ABHD16B: variants seen among roughly 807,000 people sequenced by gnomAD.
The protein encoded by ABHD16B is abhydrolase domain containing 16B.
Under a neutral mutation model 10.5 loss-of-function variants are expected in ABHD16B, and 14 were observed. That is an observed-to-expected ratio of 1.33 (90% CI 0.88 to 2.08). The LOEUF is 2.08. Ranked by LOEUF, ABHD16B falls within the 30% of genes most tolerant of loss-of-function variation. The pLI is 0.00. For missense variants in ABHD16B, 763 were observed against 717.4 expected (o/e 1.06, Z -0.73); for synonymous variants, 374 against 337.9 (o/e 1.11, Z -1.17).
Position 63,861,671 on chromosome 20 carries a change from G to A in ABHD16B, c.131G>A (p.Ser44Asn). 6.5e-7 allele frequency: 1 copy of A among 1,535,324 alleles called. No homozygotes were observed. Among genetic ancestry groups the A allele is most frequent in the Non-Finnish European group, 8.7e-7 (1 of 1,143,826 alleles). The change falls in exon 1 of 1, where the codon AGC (serine) becomes AAC (asparagine). Residue 44 changes from serine (S) to asparagine (N), a missense_variant. Physicochemically the swap from Ser to Asn is conservative, Grantham distance 46 (BLOSUM62 1). Coordinates refer to ENST00000369916, the MANE Select transcript of ABHD16B (RefSeq NM_080622.4). This position sits in a 1 kb window ranked among gnomAD's most constrained non-coding sequence, Gnocchi z 5.4. Reference protein sequence around the residue: ...RWDDVRAVGRSSSHRALTCAA... With the variant: ...RWDDVRAVGRNSSHRALTCAA... Reference sequence around the variant, plus strand: ...GATGACGTGCGCGCCGTGGGCCGGAGCAGCAGCCACCGGGCGCTGACCTGC... The same window carrying A: ...GATGACGTGCGCGCCGTGGGCCGGAACAGCAGCCACCGGGCGCTGACCTGC...
chr20:63,862,915 G>C lies in ABHD16B; in HGVS notation c.1375G>C (p.Glu459Gln), dbSNP rs1179093035. The change falls in exon 1 of 1, where the codon GAG (glutamate) becomes CAG (glutamine). Residue 459 changes from glutamate to glutamine, a missense_variant. Transcript: ENST00000369916. The surrounding 1 kb of genome is among the most constrained non-coding windows in gnomAD (Gnocchi z 7.5). ...NVEATHFSPL[E>Q]PEEFQLPWRL ...GGAGGCGACTCACTTCAGCCCTCTG[G>C]AGCCTGAGGAGTTTCAGTTGCCCTG... The C allele has an allele frequency of 6.7e-7, 1 of 1,502,212 alleles. No individual in the cohort carries two copies. The highest frequency in any genetic ancestry group is 1.3e-5 in the South Asian group (1 of 77,936). 93.1% of individuals were successfully genotyped at this position (1,502,212 alleles called of 1,614,324 possible). A position where few individuals can be genotyped will look rare whatever the true frequency, so the allele number is the denominator to read the frequency against.
At position 63,862,553 on chromosome 20, in the gene ABHD16B, A is replaced by C; in HGVS notation, c.1013A>C (p.Asp338Ala). ...SGRLRPLSPG[D>A]VEGNRGNELL... Reference sequence around the variant, plus strand: ...CGCCTGCGCCCCCTGTCACCTGGTGACGTGGAGGGCAACCGGGGCAATGAG... The same window carrying C: ...CGCCTGCGCCCCCTGTCACCTGGTGCCGTGGAGGGCAACCGGGGCAATGAG... Residue 338 changes from aspartate to alanine, a missense_variant, in exon 1 of 1, where the codon GAC (aspartate) becomes GCC (alanine). Physicochemically the swap from Asp to Ala is moderately radical, Grantham distance 126 (BLOSUM62 -2). Coordinates refer to ENST00000369916, the MANE Select transcript of ABHD16B (RefSeq NM_080622.4). This position sits in a 1 kb window ranked among gnomAD's most constrained non-coding sequence, Gnocchi z 7.5. 2 of 1,572,154 alleles carry C rather than the reference A, an allele frequency of 1.3e-6. No homozygotes were observed. The highest frequency in any genetic ancestry group is 1.7e-6 in the Non-Finnish European group (2 of 1,164,452).
At position 63,862,943 on chromosome 20, in the gene ABHD16B, G is replaced by A. The variant is rs2052108233; in HGVS notation, c.1403G>A (p.Arg468Gln). 1.4e-6 allele frequency: 2 copies of A among 1,469,550 alleles called. No individual in the cohort carries two copies. Among genetic ancestry groups the A allele is most frequent in the Admixed American group, 2.5e-5 (1 of 39,626 alleles). The allele number at this position is 1,469,550 out of a possible 1,614,324, so 91.0% of individuals were successfully genotyped here. A position where few individuals can be genotyped will look rare whatever the true frequency, so the allele number is the denominator to read the frequency against. The change falls in exon 1 of 1, where the codon CGG becomes CAG. Residue 468 changes from arginine (R) to glutamine (Q), a missense_variant. Transcript: ENST00000369916. This position sits in a 1 kb window ranked among gnomAD's most constrained non-coding sequence, Gnocchi z 7.5. Reference protein sequence around the residue: ...LEPEEFQLPWRL With the variant: ...LEPEEFQLPWQL ...CCTGAGGAGTTTCAGTTGCCCTGGC[G>A]GCTGTAACCTATATGCCCCAGTGGG...
Position 63,862,967 on chromosome 20 carries a change from G to A in ABHD16B, c.*17G>A. 7.0e-7 allele frequency: 1 copy of A among 1,429,464 alleles called. No homozygotes were observed. The highest frequency in any genetic ancestry group is 9.2e-7 in the Non-Finnish European group (1 of 1,090,254). The allele number at this position is 1,429,464 out of a possible 1,614,324, so 88.5% of individuals were successfully genotyped here. The stretch of plus-strand genomic sequence containing the variant: ...CGGCTGTAACCTATATGCCCCAGTG[G>A]GGGATCACGCACTTGAACTCCTGGC... On this transcript the variant is annotated 3_prime_UTR_variant, in exon 1 of 1. Coordinates refer to ENST00000369916, the MANE Select transcript of ABHD16B (RefSeq NM_080622.4). The surrounding 1 kb of genome is among the most constrained non-coding windows in gnomAD (Gnocchi z 7.5).
chr20:63,862,512 G>C lies in ABHD16B; in HGVS notation c.972G>C (p.Val324=). ...TGCTCCGACGCACGCAGGATGACGT[G>C]GTCAGCACTTCGGGCCGCCTGCGCC... ...VLLLRRTQDD[V]VSTSGRLRPL... Residue 324 remains valine, a synonymous_variant, in exon 1 of 1, where the codon GTG becomes GTC. Transcript: ENST00000369916. This position sits in a 1 kb window ranked among gnomAD's most constrained non-coding sequence, Gnocchi z 7.5. 1 of 1,569,188 alleles carries C rather than the reference G, an allele frequency of 6.4e-7. No homozygotes were observed. Among genetic ancestry groups the C allele is most frequent in the Non-Finnish European group, 8.6e-7 (1 of 1,163,210 alleles).
At position 63,861,828 on chromosome 20, in the gene ABHD16B, G is replaced by GCTCGCTAGCTACGCGCTGGCCCA; in HGVS notation, c.295_317dup (p.Gly107AlafsTer20). ...AGCAGCTCCGCGAGCTGCCCGGCCA[G>GCTCGCTAGCTACGCGCTGGCCCA]CTCGCTAGCTACGCGCTGGCCCACT... On this transcript the variant is annotated frameshift_variant, in exon 1 of 1. Transcript: ENST00000369916. LOFTEE classifies it high-confidence loss of function. The surrounding 1 kb of genome is among the most constrained non-coding windows in gnomAD (Gnocchi z 5.4). 1 of 1,518,802 alleles carries GCTCGCTAGCTACGCGCTGGCCCA rather than the reference G, an allele frequency of 6.6e-7. No homozygotes were observed. Among genetic ancestry groups the GCTCGCTAGCTACGCGCTGGCCCA allele is most frequent in the South Asian group, 1.2e-5 (1 of 83,480 alleles). 94.1% of individuals were successfully genotyped at this position (1,518,802 alleles called of 1,614,324 possible).
At position 63,861,808 on chromosome 20, in the gene ABHD16B, C is replaced by T; in HGVS notation, c.268C>T (p.Leu90Phe). Residue 90 changes from leucine (L) to phenylalanine (F), a missense_variant, in exon 1 of 1, where the codon CTC becomes TTC. Coordinates refer to ENST00000369916, the MANE Select transcript of ABHD16B (RefSeq NM_080622.4). This position sits in a 1 kb window ranked among gnomAD's most constrained non-coding sequence, Gnocchi z 5.4. ...CCAGGCGCAGTGCCTCTTGCAGCAG[C>T]TCCGCGAGCTGCCCGGCCAGCTCGC... ...RSQAQCLLQQ[L>F]RELPGQLASY... 4.0e-6 allele frequency: 6 copies of T among 1,486,964 alleles called. No homozygotes were observed. Among genetic ancestry groups the T allele is most frequent in the Non-Finnish European group, 5.3e-6 (6 of 1,124,938 alleles). 92.1% of individuals were successfully genotyped at this position (1,486,964 alleles called of 1,614,324 possible). A position where few individuals can be genotyped will look rare whatever the true frequency, so the allele number is the denominator to read the frequency against.
In ABHD16B at chr20:63,862,213, G is replaced by C. The variant is rs767286554; in HGVS notation, c.673G>C (p.Val225Leu). 1 of 1,611,400 alleles carries C rather than the reference G, an allele frequency of 6.2e-7. No individual in the cohort carries two copies. The highest frequency in any genetic ancestry group is 1.1e-5 in the South Asian group (1 of 90,998). Residue 225 changes from valine (V) to leucine (L), a missense_variant, in exon 1 of 1, where the codon GTG becomes CTG. By Grantham distance (32) the Val-to-Leu change is conservative. Transcript: ENST00000369916. The surrounding 1 kb of genome is among the most constrained non-coding windows in gnomAD (Gnocchi z 7.5). ...TCAGCACGACGCCAACGCCATGGAC[G>C]TGGTGGTCGAGTACGCACTGCACCG... ...FPQHDANAMD[V>L]VVEYALHRLH...
rs756131621 is a variant in ABHD16B, at chr20:63,862,797, AC to A, written c.1260del (p.Ala421ProfsTer10). ...EGEEALGPHG[P>X]AFPWLVGQGL... ...GCGAGGAGGCCCTGGGGCCACACGG[AC>A]CCGCCTTCCCATGGCTGGTGGGCCA... On this transcript the variant is annotated frameshift_variant, in exon 1 of 1. Transcript: ENST00000369916. LOFTEE classifies it high-confidence loss of function. The surrounding 1 kb of genome is among the most constrained non-coding windows in gnomAD (Gnocchi z 7.5). 74 of 1,534,276 alleles carry A rather than the reference AC, an allele frequency of 4.8e-5. No individual in the cohort carries two copies. In the Middle Eastern group the frequency reaches 8.4e-4, roughly 17 times the overall value.
In ABHD16B at chr20:63,862,461, G is replaced by C. The variant is rs1184202399; in HGVS notation, c.921G>C (p.Leu307=). The change falls in exon 1 of 1, where the codon CTG becomes CTC. Residue 307 remains leucine, a synonymous_variant. Transcript: ENST00000369916. This position sits in a 1 kb window ranked among gnomAD's most constrained non-coding sequence, Gnocchi z 7.5. ...TCAACCTCAACGTGGCCGAGCAGCT[G>C]TGCTGCTACCCGGGGCCGGTGCTGC... ...EHFNLNVAEQ[L]CCYPGPVLLL... 2.6e-6 allele frequency: 4 copies of C among 1,567,450 alleles called. No homozygotes were observed. Among genetic ancestry groups the C allele is most frequent in the African/African-American group, 1.3e-5 (1 of 74,280 alleles).
rs778249899 is a variant in ABHD16B, at chr20:63,862,251, G to A, written c.711G>A (p.Pro237=). The change falls in exon 1 of 1, where the codon CCG becomes CCA. Residue 237 remains proline (P), a synonymous_variant. Transcript: ENST00000369916. The surrounding 1 kb of genome is among the most constrained non-coding windows in gnomAD (Gnocchi z 7.5). ...ACGCACTGCACCGCCTGCACTTCCC[G>A]CCCGCGCACCTGGTGGTCTACGGCT... ...VEYALHRLHF[P]PAHLVVYGWS... is the part of the protein sequence containing the mutation. 18 of 1,611,778 alleles carry A rather than the reference G, an allele frequency of 1.1e-5. No homozygotes were observed. Among genetic ancestry groups the A allele is most frequent in the East Asian group, 8.9e-5 (4 of 44,828 alleles).
At position 63,862,240 on chromosome 20, in the gene ABHD16B, C is replaced by CT; in HGVS notation, c.701dup (p.His235AlafsTer89). ...GGTGGTCGAGTACGCACTGCACCGC[C>CT]TGCACTTCCCGCCCGCGCACCTGGT... On this transcript the variant is annotated frameshift_variant, in exon 1 of 1. Transcript: ENST00000369916. LOFTEE classifies it low-confidence loss of function (END_TRUNC). The surrounding 1 kb of genome is among the most constrained non-coding windows in gnomAD (Gnocchi z 7.5). The CT allele has an allele frequency of 6.2e-7, 1 of 1,611,962 alleles. No homozygotes were observed. Among genetic ancestry groups the CT allele is most frequent in the Non-Finnish European group, 8.5e-7 (1 of 1,179,714 alleles).
chr20:63,862,939 T>C lies in ABHD16B; in HGVS notation c.1399T>C (p.Trp467Arg). The change falls in exon 1 of 1, where the codon TGG becomes CGG. Residue 467 changes from tryptophan to arginine, a missense_variant. By Grantham distance (101) the Trp-to-Arg change is moderately radical. Transcript: ENST00000369916. The surrounding 1 kb of genome is among the most constrained non-coding windows in gnomAD (Gnocchi z 7.5). ...GGAGCCTGAGGAGTTTCAGTTGCCC[T>C]GGCGGCTGTAACCTATATGCCCCAG... The part of the protein sequence containing the change: ...PLEPEEFQLP[W>R]RL 6.8e-7 allele frequency: 1 copy of C among 1,463,600 alleles called. No homozygotes were observed. Among genetic ancestry groups the C allele is most frequent in the Non-Finnish European group, 9.1e-7 (1 of 1,104,264 alleles). 90.7% of individuals were successfully genotyped at this position (1,463,600 alleles called of 1,614,324 possible).
In ABHD16B at chr20:63,862,162, G is replaced by T; in HGVS notation, c.622G>T (p.Gly208Cys). ...SVLGWNHPGF[G>C]SSTGVPFPQH... ...GCTGGGCTGGAACCACCCCGGCTTCGGCAGCAGCACTGGCGTGCCCTTCCC... is the reference window on the plus strand; with the variant it reads ...GCTGGGCTGGAACCACCCCGGCTTCTGCAGCAGCACTGGCGTGCCCTTCCC... Residue 208 changes from glycine (G) to cysteine (C), a missense_variant, in exon 1 of 1, where the codon GGC becomes TGC. Gly to Cys is a radical substitution (Grantham distance 159). Coordinates refer to ENST00000369916, the MANE Select transcript of ABHD16B (RefSeq NM_080622.4). The surrounding 1 kb of genome is among the most constrained non-coding windows in gnomAD (Gnocchi z 7.5). The T allele has an allele frequency of 6.2e-7, 1 of 1,611,232 alleles. No homozygotes were observed. Among genetic ancestry groups the T allele is most frequent in the Non-Finnish European group, 8.5e-7 (1 of 1,179,604 alleles).
In ABHD16B at chr20:63,862,700, A is replaced by G. The variant is rs758216562; in HGVS notation, c.1160A>G (p.Tyr387Cys). The G allele has an allele frequency of 4.4e-5, 67 of 1,533,718 alleles. No homozygotes were observed. In the South Asian group the frequency reaches 7.3e-4, roughly 17 times the overall value. ...LAQEAAFYAR[Y>C]RVDEDWCLAL... is the part of the protein sequence containing the mutation. ...CAGGAGGCCGCCTTCTATGCACGCT[A>G]CCGCGTGGACGAGGACTGGTGCCTG... The change falls in exon 1 of 1, where the codon TAC (tyrosine) becomes TGC (cysteine). Residue 387 changes from tyrosine (Y) to cysteine (C), a missense_variant. By Grantham distance (194) the Tyr-to-Cys change is radical (BLOSUM62 -2). Coordinates refer to ENST00000369916, the MANE Select transcript of ABHD16B (RefSeq NM_080622.4). The surrounding 1 kb of genome is among the most constrained non-coding windows in gnomAD (Gnocchi z 7.5).
At position 63,862,189 on chromosome 20, in the gene ABHD16B, C is replaced by G. The variant is rs868582964; in HGVS notation, c.649C>G (p.Gln217Glu). 4 of 1,611,258 alleles carry G rather than the reference C, an allele frequency of 2.5e-6. No homozygotes were observed. The highest frequency in any genetic ancestry group is 3.4e-6 in the Non-Finnish European group (4 of 1,179,698). The stretch of plus-strand genomic sequence containing the variant: ...CAGCAGCACTGGCGTGCCCTTCCCT[C>G]AGCACGACGCCAACGCCATGGACGT... Reference protein sequence around the residue: ...FGSSTGVPFPQHDANAMDVVV... With the variant: ...FGSSTGVPFPEHDANAMDVVV... The change falls in exon 1 of 1, where the codon CAG (glutamine) becomes GAG (glutamate). Residue 217 changes from glutamine (Q) to glutamate (E), a missense_variant. Gln to Glu is a conservative substitution (Grantham distance 29, BLOSUM62 2). Coordinates refer to ENST00000369916, the MANE Select transcript of ABHD16B (RefSeq NM_080622.4). This position sits in a 1 kb window ranked among gnomAD's most constrained non-coding sequence, Gnocchi z 7.5.
Position 63,861,720 on chromosome 20 carries a change from G to T in ABHD16B, c.180G>T (p.Trp60Cys). 1.4e-6 allele frequency: 2 copies of T among 1,445,470 alleles called. No homozygotes were observed. The highest frequency in any genetic ancestry group is 1.8e-6 in the Non-Finnish European group (2 of 1,108,760). 89.5% of individuals were successfully genotyped at this position (1,445,470 alleles called of 1,614,324 possible). A position where few individuals can be genotyped will look rare whatever the true frequency, so the allele number is the denominator to read the frequency against. The part of the protein sequence containing the change: ...LTCAAAAAGV[W>C]LLRDETLGGD... Reference sequence around the variant, plus strand: ...GCGCGGCAGCCGCGGCGGGCGTGTGGTTGCTGCGGGACGAGACGCTGGGCG... The same window carrying T: ...GCGCGGCAGCCGCGGCGGGCGTGTGTTTGCTGCGGGACGAGACGCTGGGCG... Residue 60 changes from tryptophan to cysteine, a missense_variant, in exon 1 of 1, where the codon TGG becomes TGT. Trp to Cys is a radical substitution (Grantham distance 215, BLOSUM62 -2). Coordinates refer to ENST00000369916, the MANE Select transcript of ABHD16B (RefSeq NM_080622.4). The surrounding 1 kb of genome is among the most constrained non-coding windows in gnomAD (Gnocchi z 5.4).
Position 63,862,118 on chromosome 20 carries a change from T to C in ABHD16B, c.578T>C (p.Leu193Pro). The change falls in exon 1 of 1, where the codon CTC becomes CCC. Residue 193 changes from leucine to proline, a missense_variant. By Grantham distance (98) the Leu-to-Pro change is moderately conservative. Coordinates refer to ENST00000369916, the MANE Select transcript of ABHD16B (RefSeq NM_080622.4). This position sits in a 1 kb window ranked among gnomAD's most constrained non-coding sequence, Gnocchi z 7.5. The part of the protein sequence containing the change: ...FYEMGCLSAP[L>P]EAGYSVLGWN... ...GAGATGGGCTGTCTGTCTGCACCGC[T>C]CGAGGCCGGCTACTCCGTGCTGGGC... 6.2e-7 allele frequency: 1 copy of C among 1,611,670 alleles called. No individual in the cohort carries two copies. The highest frequency in any genetic ancestry group is 8.5e-7 in the Non-Finnish European group (1 of 1,179,684).
At position 63,862,572 on chromosome 20, in the gene ABHD16B, C is replaced by A; in HGVS notation, c.1032C>A (p.Gly344=). 1 of 1,567,718 alleles carries A rather than the reference C, an allele frequency of 6.4e-7. No homozygotes were observed. Among genetic ancestry groups the A allele is most frequent in the Admixed American group, 1.8e-5 (1 of 55,690 alleles). ...CTGGTGACGTGGAGGGCAACCGGGG[C>A]AATGAGCTGCTGCTGCGCCTGCTGG... The part of the protein sequence containing the change: ...LSPGDVEGNR[G]NELLLRLLEH... Residue 344 remains glycine, a synonymous_variant, in exon 1 of 1, where the codon GGC becomes GGA. Transcript: ENST00000369916. This position sits in a 1 kb window ranked among gnomAD's most constrained non-coding sequence, Gnocchi z 7.5.
Sources: allele counts gnomAD v4.1 joint callset, GRCh38; gene constraint gnomAD v4.1.1; non-coding constraint Gnocchi (gnomAD v3.1); transcripts MANE v1.5; gene names NCBI Gene and HGNC (gene_info 2026-07-23, HGNC 2026-07-21).